The following PRDM6 variants were observed in gnomAD, a reference collection of about 807,000 sequenced individuals.
The protein encoded by PRDM6 is putative histone-lysine N-methyltransferase PRDM6.
Under a neutral mutation model 60.8 loss-of-function variants are expected in PRDM6, and 25 were observed. The ratio of observed to expected loss-of-function variants is 0.41; its 90% CI spans 0.30 to 0.57. The LOEUF (loss-of-function observed/expected upper bound fraction) is 0.57, where lower values mean the gene tolerates loss of function less well. Among genes scored for constraint, PRDM6 ranks in the 20% least tolerant of loss-of-function variants. PRDM6 has a pLI of 0.27. For synonymous variants in PRDM6, 407 were observed against 357.4 expected (o/e 1.14, Z -1.57); for missense variants, 839 against 821.3 (o/e 1.02, Z -0.26).
intron 7 of PRDM6, among the ~76,000 whole-genome samples, chr5:123,186,004 T>TTTC (rs1373047869): frequency 1.3e-5 from 2 of 152,200 alleles, no homozygotes; most frequent in African/African-American, 4.8e-5. Flanking sequence ...TCTTCTTGAA[T>TTTC]ATCTTTTTCT....
intron 3 of PRDM6, among the ~76,000 whole-genome samples, chr5:123,140,944 G>C (rs1279121459): frequency 6.6e-6 from 1 of 151,874 alleles, no homozygotes; most frequent in Non-Finnish European, 1.5e-5. Flanking sequence ...CTTTTAAATT[G>C]AACCTCAGAT....
At chr5:123,100,159 A>T (rs1764066898) in intron 3 of PRDM6, among the ~76,000 whole-genome samples, 198 bp downstream of exon 3, 1 of 152,248 alleles carries the variant, frequency 6.6e-6, no homozygotes, top group Non-Finnish European at 1.5e-5. Context: ...AAGGAGGCTG[A>T]CAGAGCTGGG....
At chr5:123,132,679 A>G (rs1313348534) in intron 3 of PRDM6, among the ~76,000 whole-genome samples, 1 of 152,148 alleles carries the variant, frequency 6.6e-6, no homozygotes, top group African/African-American at 2.4e-5. Flanking sequence ...GATTTCTAAC[A>G]TCATAGAATT....
At chr5:123,105,970 C>G (rs181233508) in intron 3 of PRDM6, among the ~76,000 whole-genome samples, 23 of 152,356 alleles carry the variant, frequency 1.5e-4, no homozygotes, top group Admixed American at 1.4e-3. Context: ...CCTAATGGCT[C>G]AAACCCTGAT....
intron 5 of PRDM6, among the ~76,000 whole-genome samples, chr5:123,167,261 CCA>C: frequency 6.6e-6 from 1 of 151,992 alleles, no homozygotes; most frequent in Non-Finnish European, 1.5e-5. Flanking sequence ...ATTTCTTCTA[CCA>C]AACTGTAAAT....
intron 3 of PRDM6, among the ~76,000 whole-genome samples, chr5:123,155,166 A>G (rs772717523): frequency 1.4e-4 from 22 of 151,904 alleles, no homozygotes; most frequent in Admixed American, 5.9e-4. Flanking sequence ...ATCTGCTTGA[A>G]TTGATGTGAG....
At chr5:123,115,167 C>T (rs1438218082) in intron 3 of PRDM6, among the ~76,000 whole-genome samples, 2 of 151,998 alleles carry the variant, frequency 1.3e-5, no homozygotes, top group African/African-American at 2.4e-5. Context: ...GTTGTGGATG[C>T]CTCATCTCAT....
At chr5:123,146,860 G>A (rs561201476) in intron 3 of PRDM6, among the ~76,000 whole-genome samples, 5 of 152,288 alleles carry the variant, frequency 3.3e-5, no homozygotes, top group East Asian at 1.9e-4. Flanking sequence ...GGATACAAAC[G>A]TGGTAATAAT....
chr5:123,144,763 C>G (rs1765199267), intron 3 of PRDM6, among the ~76,000 whole-genome samples: 2 of 152,190 alleles, frequency 1.3e-5, no homozygotes, highest in Admixed American at 1.3e-4. Context: ...GCAAGGCATA[C>G]TTTTGAAAGC....
At chr5:123,156,925 C>T (rs1047651048) in intron 4 of PRDM6, among the ~76,000 whole-genome samples, 2 of 152,134 alleles carry the variant, frequency 1.3e-5, no homozygotes, top group Non-Finnish European at 2.9e-5. Context: ...AATATATGAC[C>T]TCAGTTATAA....
intron 1 of PRDM6, 41 bp from the exon 2 acceptor site, chr5:123,089,959 C>G: frequency 1.4e-6 from 2 of 1,445,778 alleles, no homozygotes; most frequent in Non-Finnish European, 1.9e-6. Context: ...GCCCCTTTCG[C>G]CCAGCTCACG....
chr5:123,171,126 T>C lies in PRDM6; in HGVS notation c.1496+18T>C. 6.6e-7 allele frequency: 1 copy of C among 1,507,844 alleles called. No individual in the cohort carries two copies. Among genetic ancestry groups the C allele is most frequent in the Non-Finnish European group, 8.9e-7 (1 of 1,122,060 alleles). The allele number at this position is 1,507,844 out of a possible 1,614,324, so 93.4% of individuals were successfully genotyped here. ...CCCGACAGGTAACCCTGACTCTCAC[T>C]GCTGACAGTGTGTTTGCTTAGTGAG... On this transcript the variant is annotated intron_variant, in intron 6 of 7. Transcript: ENST00000407847.
intron 3 of PRDM6, among the ~76,000 whole-genome samples, chr5:123,147,378 T>G (rs919875205): frequency 1.3e-5 from 2 of 152,158 alleles, no homozygotes; most frequent in Admixed American, 6.5e-5. Context: ...TTACCATTTT[T>G]TTCCTTTTTA....
chr5:123,137,965 G>C (rs1001486102), intron 3 of PRDM6, among the ~76,000 whole-genome samples: 2 of 152,068 alleles, frequency 1.3e-5, no homozygotes, highest in Admixed American at 6.6e-5. Context: ...GTGGTATAAA[G>C]ATACAGCAAA....
intron 3 of PRDM6, among the ~76,000 whole-genome samples, chr5:123,152,012 A>G (rs1158968932): frequency 1.3e-5 from 2 of 152,048 alleles, no homozygotes; most frequent in Non-Finnish European, 2.9e-5. Context: ...AAAAAACAGA[A>G]AAAAACAATA....
At chr5:123,184,755 G>A (rs932480415) in intron 7 of PRDM6, among the ~76,000 whole-genome samples, 15 of 152,280 alleles carry the variant, frequency 9.9e-5, no homozygotes, top group Non-Finnish European at 1.8e-4. Flanking sequence ...TAAAACTGAA[G>A]TCCTTCTCTT....
intron 3 of PRDM6, among the ~76,000 whole-genome samples, chr5:123,131,287 A>G (rs1017924873): frequency 6.6e-6 from 1 of 152,210 alleles, no homozygotes; most frequent in Non-Finnish European, 1.5e-5. Flanking sequence ...GCCATAGTTA[A>G]TGAGAATTTA....
At chr5:123,155,503 G>A (rs1025834800) in intron 3 of PRDM6, among the ~76,000 whole-genome samples, 2 of 151,866 alleles carry the variant, frequency 1.3e-5, no homozygotes, top group Non-Finnish European at 2.9e-5. Flanking sequence ...TTGAGACTGG[G>A]GGGCCTCGAA....
intron 3 of PRDM6, among the ~76,000 whole-genome samples, chr5:123,108,017 G>A (rs1289274443): frequency 2.0e-5 from 3 of 151,990 alleles, no homozygotes; most frequent in Non-Finnish European, 4.4e-5. Context: ...TAAAAGCTGC[G>A]TGGTTAGCTC....
Sources: allele counts gnomAD v4.1 joint callset (sites outside exome capture counted in the v4.1 genomes callset), GRCh38; gene constraint gnomAD v4.1.1; transcripts MANE v1.5; gene names NCBI Gene and HGNC (gene_info 2026-07-23, HGNC 2026-07-21).